Variants in GMPPA observed in about 807,000 individuals in gnomAD.
GMPPA encodes mannose-1-phosphate guanylyltransferase regulatory subunit alpha.
In GMPPA, 46 loss-of-function variants were observed where a neutral mutation model predicts 58.6. The observed-to-expected ratio is 0.78, with a 90% CI of 0.62 to 1.00. The LOEUF (loss-of-function observed/expected upper bound fraction) is 1.00, where lower values mean the gene tolerates loss of function less well. Ranked by LOEUF, GMPPA falls within the 50% of genes least tolerant of loss-of-function variation. The pLI is 0.00. For synonymous variants in GMPPA, 211 were observed against 214.9 expected (o/e 0.98, Z 0.16); for missense variants, 468 against 556.4 (o/e 0.84, Z 1.60).
At chr2:219,499,918 A>C in intron 1 of GMPPA, 38 bp from the exon 2 acceptor site, 7 of 1,523,280 alleles carry the variant, frequency 4.6e-6, no homozygotes, top group Non-Finnish European at 6.4e-6. Context: ...TGGTTGGGGT[A>C]GGAGATCTGA....
intron 6 of GMPPA, among the ~76,000 whole-genome samples, 173 bp from the exon 7 acceptor site, chr2:219,503,910 G>A (rs917906119): frequency 6.6e-6 from 1 of 152,238 alleles, no homozygotes; most frequent in Non-Finnish European, 1.5e-5. Context: ...GTGAAGGGCA[G>A]TCATCTCAGG....
At position 219,506,642 on chromosome 2, in the gene GMPPA, C is replaced by T. The variant is rs1226666590; in HGVS notation, c.1163-56C>T. The T allele has an allele frequency of 8.1e-6, 9 of 1,109,696 alleles. 1 individual carries two copies. The Admixed American group carries it at 1.4e-4, about 17-fold the overall frequency. The allele number at this position is 1,109,696 out of a possible 1,614,324, so 68.7% of individuals were successfully genotyped here. On this transcript the variant is annotated intron_variant, in intron 12 of 12. Transcript: ENST00000313597. ...TCCCTGCTGGCAGTGGCCCCCAGCT[C>T]CCTGCCCCTGTCTCCCCTCCCATGA...
rs1489547917 is a variant in GMPPA, at chr2:219,500,179, G to T, written c.99G>T (p.Gly33=). The T allele has an allele frequency of 6.3e-7, 1 of 1,587,194 alleles. No individual in the cohort carries two copies. Among genetic ancestry groups the T allele is most frequent in the South Asian group, 1.1e-5 (1 of 88,090 alleles). ...EVPKPLFPVA[G]VPMIQHHIEA... ...CCAAACCATTGTTTCCTGTGGCAGGGGTCCCTATGATCCAACACCATATTG... is the reference window on the plus strand; with the variant it reads ...CCAAACCATTGTTTCCTGTGGCAGGTGTCCCTATGATCCAACACCATATTG... Residue 33 remains glycine (G), a synonymous_variant, in exon 3 of 13, where the codon GGG becomes GGT. Transcript: ENST00000313597.
chr2:219,499,195 G>A (rs719337), intron 1 of GMPPA: 40,891 of 152,214 alleles, frequency 0.27, 5,640 homozygotes, highest in South Asian at 0.44. Flanking sequence ...GGGGTCAATA[G>A]GTTCAGTGTT....
At chr2:219,501,635 T>C in intron 4 of GMPPA, 56 bp downstream of exon 4, 1 of 1,145,670 alleles carries the variant, frequency 8.7e-7, no homozygotes, top group Non-Finnish European at 1.3e-6. Flanking sequence ...GCCTCTGAGT[T>C]CTTGGAAGTG....
chr2:219,504,556 A>C (rs771310729), intron 7 of GMPPA: 1 of 331,916 alleles, frequency 3.0e-6, no homozygotes, highest in Non-Finnish European at 5.6e-6. Context: ...GTGCACACAC[A>C]GACAGACATG....
At position 219,502,670 on chromosome 2, in the gene GMPPA, A is replaced by G. The variant is rs1694442946; in HGVS notation, c.489+229A>G. 1.3e-5 allele frequency among the ~76,000 whole-genome samples: 2 copies of G among 152,146 alleles called. No homozygotes were observed. The highest frequency in any genetic ancestry group is 1.3e-4 in the Admixed American group (2 of 15,284). On this transcript the variant is annotated intron_variant, in intron 6 of 12. Coordinates refer to ENST00000313597, the MANE Select transcript of GMPPA (RefSeq NM_013335.4). The surrounding 1 kb of genome is among the most constrained non-coding windows in gnomAD (Gnocchi z 4.0). Reference sequence around the variant, plus strand: ...GCTGTAATAAATGTATGCACAGTGCATGATGGGAACACCAAGGGGGCCCCA... The same window carrying G: ...GCTGTAATAAATGTATGCACAGTGCGTGATGGGAACACCAAGGGGGCCCCA...
chr2:219,504,022 G>T, intron 6 of GMPPA, 61 bp from the exon 7 acceptor site: 1 of 1,595,384 alleles, frequency 6.3e-7, no homozygotes, highest in Non-Finnish European at 8.6e-7. Context: ...AAATCAGAGG[G>T]TCTTAGGGGA....
intron 12 of GMPPA, 87 bp downstream of exon 12, chr2:219,506,509 C>A (rs1326895397): frequency 2.3e-6 from 3 of 1,331,156 alleles, no homozygotes; most frequent in Non-Finnish European, 3.1e-6. Flanking sequence ...TGTGTGCACG[C>A]GTGTTTCTTC....
chr2:219,506,752 C>T lies in GMPPA; in HGVS notation c.1217C>T (p.Pro406Leu). 1 of 1,606,698 alleles carries T rather than the reference C, an allele frequency of 6.2e-7. No homozygotes were observed. The highest frequency in any genetic ancestry group is 1.7e-5 in the Admixed American group (1 of 60,004). ...EVLILNSIVL[P>L]HKELSRSFTN... ...CTCATCCTGAACTCGATTGTTCTGC[C>T]ACACAAGGAGCTGAGCCGAAGCTTC... Residue 406 changes from proline (P) to leucine (L), a missense_variant, in exon 13 of 13, where the codon CCA (proline) becomes CTA (leucine). Coordinates refer to ENST00000313597, the MANE Select transcript of GMPPA (RefSeq NM_013335.4).
Position 219,504,211 on chromosome 2 carries a change from A to G in GMPPA, c.618A>G (p.Gln206=), listed in dbSNP as rs1432709682. The change falls in exon 7 of 13, where the codon CAA becomes CAG. Residue 206 remains glutamine (Q), a splice_region_variant and synonymous_variant. Transcript: ENST00000313597. The part of the protein sequence containing the change: ...DVFQRNQQDG[Q]LEDSPGLWPG... The stretch of plus-strand genomic sequence containing the variant: ...TCCAGCGTAATCAGCAGGATGGGCA[A>G]TTGTGAGGCAGGCCCCATAGCCCTG... 1.2e-6 allele frequency: 2 copies of G among 1,613,842 alleles called. No individual in the cohort carries two copies. The highest frequency in any genetic ancestry group is 2.2e-5 in the East Asian group (1 of 44,880).
chr2:219,503,221 C>T (rs1392335348), intron 6 of GMPPA, among the ~76,000 whole-genome samples: 1 of 152,028 alleles, frequency 6.6e-6, no homozygotes, highest in African/African-American at 2.4e-5. Flanking sequence ...CAGCCTCTGC[C>T]TCCTGGGTTC....
rs1694420114 is a variant in GMPPA at position 219,502,134 on chromosome 2, G to A, written c.429+97G>A. 9.4e-6 allele frequency: 12 copies of A among 1,270,508 alleles called. No homozygotes were observed. Among genetic ancestry groups the A allele is most frequent in the Non-Finnish European group, 2.2e-6 (2 of 890,642 alleles). 78.7% of individuals were successfully genotyped at this position (1,270,508 alleles called of 1,614,324 possible). Reference sequence around the variant, plus strand: ...GGGAGGCAGGGGCGCCCCGGGAGTTGGTGTGGGAGCTGGCGTCAGGAGGGA... The same window carrying A: ...GGGAGGCAGGGGCGCCCCGGGAGTTAGTGTGGGAGCTGGCGTCAGGAGGGA... On this transcript the variant is annotated intron_variant, in intron 5 of 12. Coordinates refer to ENST00000313597, the MANE Select transcript of GMPPA (RefSeq NM_013335.4). The surrounding 1 kb of genome is among the most constrained non-coding windows in gnomAD (Gnocchi z 4.0).
At position 219,501,890 on chromosome 2, in the gene GMPPA, T is replaced by A; in HGVS notation, c.282T>A (p.Gly94=). 6.2e-7 allele frequency: 1 copy of A among 1,613,978 alleles called. No homozygotes were observed. Among genetic ancestry groups the A allele is most frequent in the Non-Finnish European group, 8.5e-7 (1 of 1,179,992 alleles). Residue 94 remains glycine (G), a synonymous_variant, in exon 5 of 13, where the codon GGT becomes GGA. Transcript: ENST00000313597. Reference sequence around the variant, plus strand: ...TTGCCCCCCTAGGCACAGGGGGTGGTCTTTACCATTTTCGAGACCAGATCC... The same window carrying A: ...TTGCCCCCCTAGGCACAGGGGGTGGACTTTACCATTTTCGAGACCAGATCC... The part of the protein sequence containing the change: ...QEFAPLGTGG[G]LYHFRDQILA...
Position 219,505,279 on chromosome 2 carries a change from G to A in GMPPA, c.672G>A (p.Gln224=). 6.2e-7 allele frequency: 1 copy of A among 1,614,124 alleles called. No individual in the cohort carries two copies. Among genetic ancestry groups the A allele is most frequent in the Non-Finnish European group, 8.5e-7 (1 of 1,179,948 alleles). Reference sequence around the variant, plus strand: ...GGGCAGGTACCATCCGCCTAGAGCAGGATGTGTTTTCAGCCCTGGCAGGGC... The same window carrying A: ...GGGCAGGTACCATCCGCCTAGAGCAAGATGTGTTTTCAGCCCTGGCAGGGC... ...WPGAGTIRLE[Q]DVFSALAGQG... Residue 224 remains glutamine (Q), a synonymous_variant, in exon 8 of 13, where the codon CAG becomes CAA. Coordinates refer to ENST00000313597, the MANE Select transcript of GMPPA (RefSeq NM_013335.4).
chr2:219,505,299 C>G lies in GMPPA; in HGVS notation c.692C>G (p.Ala231Gly), dbSNP rs772574959. 24 of 1,614,038 alleles carry G rather than the reference C, an allele frequency of 1.5e-5. No homozygotes were observed. Among genetic ancestry groups the G allele is most frequent in the Non-Finnish European group, 2.0e-5 (24 of 1,179,944 alleles). ...GAGCAGGATGTGTTTTCAGCCCTGG[C>G]AGGGCAGGGCCAGATATACGTGCAT... ...RLEQDVFSAL[A>G]GQGQIYVHLT... Residue 231 changes from alanine (A) to glycine (G), a missense_variant, in exon 8 of 13, where the codon GCA becomes GGA. Coordinates refer to ENST00000313597, the MANE Select transcript of GMPPA (RefSeq NM_013335.4).
Position 219,501,591 on chromosome 2 carries a change from C to T in GMPPA, c.242+12C>T. On this transcript the variant is annotated intron_variant, in intron 4 of 12. Transcript: ENST00000313597. ...AACCTTCCAGTCAGGTGTTTGTGCA[C>T]ACACTCGTATATGGGGGGGTGGGGA... The T allele has an allele frequency of 6.6e-7, 1 of 1,523,770 alleles. No homozygotes were observed. Among genetic ancestry groups the T allele is most frequent in the Non-Finnish European group, 9.1e-7 (1 of 1,097,426 alleles). 94.4% of individuals were successfully genotyped at this position (1,523,770 alleles called of 1,614,324 possible).
intron 7 of GMPPA, 134 bp from the exon 8 acceptor site, chr2:219,505,094 G>GC: frequency 9.4e-7 from 1 of 1,065,498 alleles, no homozygotes; most frequent in East Asian, 2.5e-5. Flanking sequence ...CCCAGAGAGG[G>GC]CCGAACCAGA....
At position 219,506,281 on chromosome 2, in the gene GMPPA, G is replaced by T. The variant is rs542801740; in HGVS notation, c.1021G>T (p.Val341Leu). Residue 341 changes from valine to leucine, a missense_variant, in exon 12 of 13, where the codon GTG becomes TTG. Coordinates refer to ENST00000313597, the MANE Select transcript of GMPPA (RefSeq NM_013335.4). ...GCACACGTGTGTTCTGCATAGCATC[G>T]TGGGCTGGGGGAGCACCGTGGGACG... ...QEHTCVLHSIVGWGSTVGRWA... is the reference protein window; with the variant it reads ...QEHTCVLHSILGWGSTVGRWA... 2 of 1,613,436 alleles carry T rather than the reference G, an allele frequency of 1.2e-6. No individual in the cohort carries two copies. Among genetic ancestry groups the T allele is most frequent in the East Asian group, 4.5e-5 (2 of 44,870 alleles).
Sources: allele counts gnomAD v4.1 joint callset (sites outside exome capture counted in the v4.1 genomes callset), GRCh38; gene constraint gnomAD v4.1.1; non-coding constraint Gnocchi (gnomAD v3.1); transcripts MANE v1.5; gene names NCBI Gene and HGNC (gene_info 2026-07-23, HGNC 2026-07-21).